The following PATJ variants were observed in gnomAD, a reference collection of about 807,000 sequenced individuals.
PATJ encodes the protein inaD-like protein.
Under a neutral mutation model 224.9 loss-of-function variants are expected in PATJ, and 190 were observed. The ratio of observed to expected loss-of-function variants is 0.84; its 90% CI spans 0.75 to 0.95. PATJ has a LOEUF of 0.95. Ranked by LOEUF, PATJ falls within the 40% of genes least tolerant of loss-of-function variation. PATJ has a pLI of 0.00. For missense variants in PATJ, 2,121 were observed against 2,270.3 expected (o/e 0.93, Z 1.34); for synonymous variants, 769 against 820.3 (o/e 0.94, Z 1.07).
intron 14 of PATJ, among the ~76,000 whole-genome samples, chr1:61,816,897 G>T (rs1409979418): frequency 6.6e-6 from 1 of 152,174 alleles, no homozygotes; most frequent in Admixed American, 6.5e-5. Context: ...GCCCTGTTTT[G>T]TTCCTCCTTG....
At chr1:61,931,042 T>C (rs2149302933) in intron 27 of PATJ, among the ~76,000 whole-genome samples, 1 of 152,328 alleles carries the variant, frequency 6.6e-6, no homozygotes, top group South Asian at 2.1e-4. Context: ...AATCTTGCTA[T>C]TTTGCCCAGT....
At chr1:61,799,330 T>A (rs900305964) in intron 11 of PATJ, among the ~76,000 whole-genome samples, 1 of 152,098 alleles carries the variant, frequency 6.6e-6, no homozygotes, top group Non-Finnish European at 1.5e-5. Context: ...GTAGCTGGAA[T>A]TACAGGCGCT....
chr1:61,865,506 A>C (rs1386197497), intron 20 of PATJ: 5 of 152,162 alleles, frequency 3.3e-5, no homozygotes, highest in Non-Finnish European at 7.3e-5. Flanking sequence ...GGCCTCCCGA[A>C]GTGCTGGGAT....
chr1:62,020,311 C>T (rs190792497), intron 29 of PATJ, among the ~76,000 whole-genome samples: 40 of 152,220 alleles, frequency 2.6e-4, no homozygotes, highest in Admixed American at 6.5e-4. Flanking sequence ...ACATTTAGTA[C>T]GTAGTGATGG....
intron 27 of PATJ, among the ~76,000 whole-genome samples, chr1:61,938,866 A>G (rs1297536755): frequency 4.2e-4 from 64 of 152,178 alleles, no homozygotes; most frequent in Non-Finnish European, 5.9e-5. Flanking sequence ...CTGTGTACTC[A>G]TTTGGGGATA....
chr1:62,114,051 A>G lies in PATJ; in HGVS notation c.4462-2A>G. 1 of 1,613,488 alleles carries G rather than the reference A, an allele frequency of 6.2e-7. No homozygotes were observed. The highest frequency in any genetic ancestry group is 8.5e-7 in the Non-Finnish European group (1 of 1,179,690). ...CCCAGCTCAGGATGCCCATTGTTCCAGGTTAATGGGGTTGACCTGAGGAAC... is the reference window on the plus strand; with the variant it reads ...CCCAGCTCAGGATGCCCATTGTTCCGGGTTAATGGGGTTGACCTGAGGAAC... On this transcript the variant is annotated splice_acceptor_variant, in intron 34 of 43. Transcript: ENST00000642238. LOFTEE classifies it high-confidence loss of function.
intron 21 of PATJ, among the ~76,000 whole-genome samples, chr1:61,880,448 T>C (rs935482689): frequency 6.6e-6 from 1 of 152,236 alleles, no homozygotes; most frequent in Admixed American, 6.5e-5. Context: ...AGTAAAATAC[T>C]TAAGGTTTTG....
At position 61,950,191 on chromosome 1, in the gene PATJ, G is replaced by A. The variant is rs901419262; in HGVS notation, c.3670+22362G>A. 2.0e-4 allele frequency among the ~76,000 whole-genome samples: 30 copies of A among 152,310 alleles called. No homozygotes were observed. The Middle Eastern group carries it at 0.01, about 52-fold the overall frequency. ...TGCACTCCAGCTTGGGTGACAGAGCGAGACTCCACCTAAAAAATAAATAAA... is the reference window on the plus strand; with the variant it reads ...TGCACTCCAGCTTGGGTGACAGAGCAAGACTCCACCTAAAAAATAAATAAA... On this transcript the variant is annotated intron_variant, in intron 27 of 43. Transcript: ENST00000642238.
chr1:61,795,254 G>A (rs1400471148), intron 9 of PATJ, among the ~76,000 whole-genome samples: 1 of 151,994 alleles, frequency 6.6e-6, no homozygotes, highest in Non-Finnish European at 1.5e-5. Flanking sequence ...TTATTTTAAC[G>A]GAAGAGTAGT....
chr1:62,094,996 C>T (rs1181652569), intron 33 of PATJ, among the ~76,000 whole-genome samples: 2 of 152,128 alleles, frequency 1.3e-5, no homozygotes, highest in African/African-American at 4.8e-5. Flanking sequence ...CAGTAAGTTC[C>T]TTTGACCCTT....
intron 17 of PATJ, among the ~76,000 whole-genome samples, chr1:61,844,747 T>C (rs1361627508): frequency 2.0e-5 from 3 of 152,122 alleles, no homozygotes; most frequent in African/African-American, 7.2e-5. Context: ...GGTAATTGGA[T>C]CATGGGGATG....
intron 27 of PATJ, among the ~76,000 whole-genome samples, chr1:61,966,335 C>T (rs1202757197): frequency 1.3e-5 from 2 of 152,242 alleles, no homozygotes; most frequent in East Asian, 3.9e-4. Flanking sequence ...GGTTAGGATC[C>T]AGACCCCAAG....
chr1:61,933,662 T>TA (rs1676374292), intron 27 of PATJ, among the ~76,000 whole-genome samples: 1 of 152,318 alleles, frequency 6.6e-6, no homozygotes, highest in South Asian at 2.1e-4. Flanking sequence ...TCTTTGATCT[T>TA]ATGACCCAAA....
intron 27 of PATJ, among the ~76,000 whole-genome samples, chr1:61,950,707 CT>C (rs750280364): frequency 1.3e-5 from 2 of 151,632 alleles, no homozygotes; most frequent in African/African-American, 4.8e-5. Flanking sequence ...TATGTTTGTT[CT>C]TTTTTTTGTT....
At chr1:61,774,991 T>C (rs1646834714) in intron 6 of PATJ, among the ~76,000 whole-genome samples, 1 of 152,178 alleles carries the variant, frequency 6.6e-6, no homozygotes, top group Non-Finnish European at 1.5e-5. Context: ...ATTATTTGTG[T>C]TTTAGTTTCT....
At chr1:62,028,142 T>G (rs1259116362) in intron 29 of PATJ, among the ~76,000 whole-genome samples, 1 of 152,174 alleles carries the variant, frequency 6.6e-6, no homozygotes, top group African/African-American at 2.4e-5. Context: ...CCTTGATTCA[T>G]TTTGAATTTA....
chr1:61,937,404 A>G (rs1023788164), intron 27 of PATJ, among the ~76,000 whole-genome samples: 11 of 152,080 alleles, frequency 7.2e-5, no homozygotes, highest in Admixed American at 5.9e-4. Context: ...GAAAATTAGG[A>G]AACTTTATTA....
At chr1:62,156,216 A>AC (rs1669197462) in intron 43 of PATJ, among the ~76,000 whole-genome samples, 3 of 151,046 alleles carry the variant, frequency 2.0e-5, no homozygotes, top group African/African-American at 7.3e-5. Flanking sequence ...ATCTCTAAAA[A>AC]TAAAAAAATT....
intron 27 of PATJ, among the ~76,000 whole-genome samples, chr1:61,966,889 G>T (rs1312791644): frequency 6.6e-6 from 1 of 152,162 alleles, no homozygotes; most frequent in Non-Finnish European, 1.5e-5. Context: ...GCTGGTGGGA[G>T]TGTAGCAGTG....
Sources: gnomAD v4.1 joint callset for allele counts (sites outside exome capture counted in the v4.1 genomes callset) on GRCh38, gnomAD v4.1.1 for gene constraint, MANE v1.5 for transcripts, NCBI Gene and HGNC (gene_info 2026-07-23, HGNC 2026-07-21) for gene names.